Variants in KIAA1958 observed in about 807,000 individuals in gnomAD.
KIAA1958 encodes KIAA1958.
KIAA1958 carries 14 observed loss-of-function variants against 47.2 expected under a neutral mutation model. The observed-to-expected ratio is 0.30, with a 90% CI of 0.20 to 0.46. The LOEUF (loss-of-function observed/expected upper bound fraction) is 0.46. Ranked by LOEUF, KIAA1958 falls within the 20% of genes least tolerant of loss-of-function variation. The probability of loss-of-function intolerance (pLI) is 1.00; values close to 1 mark genes in which losing one functional copy is unlikely to be tolerated. For synonymous variants in KIAA1958, 354 were observed against 353.3 expected, an observed-to-expected ratio of 1.00 and a Z score of -0.02; for missense variants, 803 against 909.2, an observed-to-expected ratio of 0.88 and a Z score of 1.50.
chr9:112,550,950 G>A (rs1022398137), intron 1 of KIAA1958, among the ~76,000 whole-genome samples: 6 of 151,734 alleles, frequency 4.0e-5, no homozygotes, highest in African/African-American at 1.5e-4. Context: ...TCTCTCAGGA[G>A]CCTGTCATGG....
chr9:112,554,037 GT>G (rs1344216933), intron 1 of KIAA1958, among the ~76,000 whole-genome samples: 1 of 152,152 alleles, frequency 6.6e-6, no homozygotes, highest in Non-Finnish European at 1.5e-5. Flanking sequence ...ATCATGTACT[GT>G]AAGTAGGATC....
rs60211721 is a variant in KIAA1958 at position 112,545,825 on chromosome 9, G to GTGGT, written c.-24-28231_-24-28230insGGTT. On this transcript the variant is annotated intron_variant, in intron 1 of 3. Coordinates refer to ENST00000337530, the MANE Select transcript of KIAA1958 (RefSeq NM_133465.4). ...TCTTTAGTGATACACAGGTTTCTTT[G>GTGGT]TTTTTTTTTTTTTTTTTTTTTAGTG... is the stretch of plus-strand genomic sequence containing the variant. Among the ~76,000 whole-genome samples the GTGGT allele has an allele frequency of 1.4e-3, 129 of 93,054 alleles. 1 individual carries two copies. The highest frequency in any genetic ancestry group is 4.4e-3 in the African/African-American group (107 of 24,346). The allele number at this position is 93,054 out of a possible 152,430, so 61.0% of individuals were successfully genotyped here.
chr9:112,590,221 G>C (rs146738542), intron 2 of KIAA1958, among the ~76,000 whole-genome samples: 1 of 152,142 alleles, frequency 6.6e-6, no homozygotes, highest in Admixed American at 6.5e-5. Flanking sequence ...TAAGATTTGA[G>C]AGCAGTTCAA....
chr9:112,590,125 C>CA (rs1835894835), intron 2 of KIAA1958, among the ~76,000 whole-genome samples: 6 of 152,158 alleles, frequency 3.9e-5, no homozygotes, highest in African/African-American at 1.4e-4. Context: ...TGGGGGCTTG[C>CA]TTAAAATGCA....
chr9:112,619,447 C>A (rs1005732543), intron 2 of KIAA1958, among the ~76,000 whole-genome samples: 1 of 152,154 alleles, frequency 6.6e-6, no homozygotes, highest in African/African-American at 2.4e-5. Context: ...AGCTCAACAT[C>A]AAATTATTTA....
rs1484871012 is a variant in KIAA1958, at chr9:112,667,960, A to G, written c.*7891A>G. 2 of 152,266 alleles carry G rather than the reference A, an allele frequency of 1.3e-5. No homozygotes were observed. The highest frequency in any genetic ancestry group is 1.3e-4 in the Admixed American group (2 of 15,290). The allele number at this position is 152,266 out of a possible 1,614,324, so 9.4% of individuals were successfully genotyped here. ...AATAGATAATATGGCTAGAAGCTAC[A>G]TATCTAAAAGCACCCGAAGTCCTCA... On this transcript the variant is annotated 3_prime_UTR_variant, in exon 4 of 4. Coordinates refer to ENST00000337530, the MANE Select transcript of KIAA1958 (RefSeq NM_133465.4).
rs36087546 is a variant in KIAA1958, at chr9:112,567,678, G to A, written c.-24-6379G>A. On this transcript the variant is annotated intron_variant, in intron 1 of 3. Transcript: ENST00000337530. ...AAAGATCAAAATCCCGAAAATACAG[G>A]CCAGGTATGGTGGCTGACACCTGTA... 9.1e-3 allele frequency among the ~76,000 whole-genome samples: 1,384 copies of A among 151,934 alleles called. 6 individuals are homozygous for A. Among genetic ancestry groups the A allele is most frequent in the Middle Eastern group, 0.017 (5 of 294 alleles).
rs1018333707 is a variant in KIAA1958 at position 112,612,799 on chromosome 9, G to A, written c.1172-32851G>A. On this transcript the variant is annotated intron_variant, in intron 2 of 3. Transcript: ENST00000337530. ...ATATACTTGCCCATGCATGGGAAACGTTCTGTCTACAGGGATACCCATTGC... is the reference window on the plus strand; with the variant it reads ...ATATACTTGCCCATGCATGGGAAACATTCTGTCTACAGGGATACCCATTGC... 3.3e-5 allele frequency among the ~76,000 whole-genome samples: 5 copies of A among 152,154 alleles called. No homozygotes were observed. The East Asian group carries it at 9.6e-4, about 29-fold the overall frequency.
intron 2 of KIAA1958, among the ~76,000 whole-genome samples, chr9:112,643,959 C>T (rs1315909831): frequency 6.6e-6 from 1 of 152,140 alleles, no homozygotes; most frequent in Non-Finnish European, 1.5e-5. Context: ...GGGCAGATCA[C>T]CTGGGGTCAG....
intron 1 of KIAA1958, among the ~76,000 whole-genome samples, chr9:112,561,661 C>T (rs1416026870): frequency 6.6e-6 from 1 of 152,090 alleles, no homozygotes; most frequent in African/African-American, 2.4e-5. Context: ...TTGAGACCAG[C>T]CTGGCCAACA....
At chr9:112,535,485 T>C (rs1218738307) in intron 1 of KIAA1958, among the ~76,000 whole-genome samples, 1 of 152,216 alleles carries the variant, frequency 6.6e-6, no homozygotes, top group Non-Finnish European at 1.5e-5. Flanking sequence ...CATTCATCTG[T>C]TGATGCACAC....
At chr9:112,508,238 T>A (rs567188189) in intron 1 of KIAA1958, among the ~76,000 whole-genome samples, 144 of 152,324 alleles carry the variant, frequency 9.5e-4, no homozygotes, top group African/African-American at 3.1e-3. Context: ...ACATGCTATT[T>A]TTCCATCAGA....
intron 1 of KIAA1958, among the ~76,000 whole-genome samples, chr9:112,524,917 G>T (rs1225351840): frequency 1.3e-5 from 2 of 152,154 alleles, no homozygotes; most frequent in African/African-American, 4.8e-5. Flanking sequence ...TCACAGAAAT[G>T]ATAATATAAT....
chr9:112,557,490 C>T (rs1260989025), intron 1 of KIAA1958, among the ~76,000 whole-genome samples: 2 of 152,156 alleles, frequency 1.3e-5, no homozygotes, highest in Admixed American at 6.5e-5. Flanking sequence ...GGGATTCAGG[C>T]CTCAGCAGCC....
At position 112,585,523 on chromosome 9, in the gene KIAA1958, C is replaced by T. The variant is rs369886842; in HGVS notation, c.1171+10272C>T. Reference sequence around the variant, plus strand: ...GTGCATGTGATGTCACAGTGTCCTCCACGGGGCTCAGGGGGACACAGTTCA... The same window carrying T: ...GTGCATGTGATGTCACAGTGTCCTCTACGGGGCTCAGGGGGACACAGTTCA... On this transcript the variant is annotated intron_variant, in intron 2 of 3. Transcript: ENST00000337530. Among the ~76,000 whole-genome samples the T allele has an allele frequency of 6.6e-5, 10 of 152,188 alleles. No homozygotes were observed. In the East Asian group the frequency reaches 9.6e-4, roughly 15 times the overall value.
intron 1 of KIAA1958, among the ~76,000 whole-genome samples, chr9:112,515,918 G>A (rs4088097): frequency 0.83 from 111,957 of 134,772 alleles, 46,347 homozygotes; most frequent in African/African-American, 0.92. Context: ...AAAAAAGACT[G>A]AATGCTTTTC....
At chr9:112,646,711 G>A (rs975491748) in intron 3 of KIAA1958, among the ~76,000 whole-genome samples, 4 of 152,148 alleles carry the variant, frequency 2.6e-5, no homozygotes, top group African/African-American at 9.7e-5. Flanking sequence ...AATAGCTACT[G>A]TACTCCAGCC....
At chr9:112,570,019 A>G (rs1564175707) in intron 1 of KIAA1958, among the ~76,000 whole-genome samples, 1 of 152,234 alleles carries the variant, frequency 6.6e-6, no homozygotes, top group Non-Finnish European at 1.5e-5. Flanking sequence ...AGGGACATGA[A>G]TTGTATATAG....
chr9:112,511,824 T>C (rs562467690), intron 1 of KIAA1958, among the ~76,000 whole-genome samples: 1 of 152,300 alleles, frequency 6.6e-6, no homozygotes, highest in Admixed American at 6.5e-5. Flanking sequence ...ATTACCAATA[T>C]TAGGACTGAG....
Sources: gnomAD v4.1 joint callset for allele counts (sites outside exome capture counted in the v4.1 genomes callset) on GRCh38, gnomAD v4.1.1 for gene constraint, MANE v1.5 for transcripts, NCBI Gene and HGNC (gene_info 2026-07-23, HGNC 2026-07-21) for gene names.